The following NRXN1 variants were observed in gnomAD, a reference collection of about 807,000 sequenced individuals.
NRXN1 encodes the protein neurexin-1.
In NRXN1, 39 loss-of-function variants were observed where a neutral mutation model predicts 150.9. The ratio of observed to expected loss-of-function variants is 0.26; its 90% CI spans 0.20 to 0.34. The LOEUF (loss-of-function observed/expected upper bound fraction) is 0.34. NRXN1 is among the 10% of genes least tolerant of loss of function. NRXN1 has a pLI of 1.00. For synonymous variants in NRXN1, 924 were observed against 757.0 expected (o/e 1.22, Z -3.62); for missense variants, 1,815 against 1,949.9 (o/e 0.93, Z 1.30).
At chr2:49,942,433 G>A (rs762297485) in intron 22 of NRXN1, among the ~76,000 whole-genome samples, 6 of 152,040 alleles carry the variant, frequency 3.9e-5, no homozygotes, top group Non-Finnish European at 8.8e-5. Flanking sequence ...GCTCTAAAGA[G>A]CGGATTTACT....
At chr2:50,555,730 T>C (rs1450367694) in intron 8 of NRXN1, among the ~76,000 whole-genome samples, 3 of 152,208 alleles carry the variant, frequency 2.0e-5, no homozygotes, top group Admixed American at 6.5e-5. Flanking sequence ...ATAATTAAAA[T>C]ACAGCAGAAT....
chr2:50,829,423 C>A, intron 5 of NRXN1: 1 of 1,440,184 alleles, frequency 6.9e-7, no homozygotes, highest in East Asian at 2.3e-5. Context: ...CCACTGTGCC[C>A]GGCTAACTCA....
chr2:50,606,544 C>T (rs1036331760), intron 8 of NRXN1, among the ~76,000 whole-genome samples: 3 of 151,056 alleles, frequency 2.0e-5, no homozygotes, highest in South Asian at 2.1e-4. Flanking sequence ...CTCTACATAA[C>T]AATACTATAT....
At chr2:50,743,361 G>A (rs758131875) in intron 5 of NRXN1, among the ~76,000 whole-genome samples, 4 of 152,066 alleles carry the variant, frequency 2.6e-5, no homozygotes, top group East Asian at 3.9e-4. Context: ...GTTAATTGAG[G>A]GTGGCAAACT....
chr2:50,744,546 A>G (rs1174203996), intron 5 of NRXN1, among the ~76,000 whole-genome samples: 1 of 152,148 alleles, frequency 6.6e-6, no homozygotes, highest in Non-Finnish European at 1.5e-5. Flanking sequence ...ATATGCGGGT[A>G]TATGGACCCA....
intron 17 of NRXN1, among the ~76,000 whole-genome samples, chr2:50,428,988 T>C (rs541396821): frequency 1.3e-5 from 2 of 152,278 alleles, no homozygotes; most frequent in South Asian, 4.1e-4. Flanking sequence ...GGGTATTAAA[T>C]AAAACCTAGG....
At position 50,547,528 on chromosome 2, in the gene NRXN1, A is replaced by G. The variant is rs2093522130; in HGVS notation, c.1759+5059T>C. ...GAGAAGAGGCAAAGGGGAAGTCTGG[A>G]AAGAGAGAGACTGGTTTAAAAACAA... On this transcript the variant is annotated intron_variant, in intron 9 of 22. Coordinates refer to ENST00000401669, the MANE Select transcript of NRXN1 (RefSeq NM_001330078.2). 2.0e-5 allele frequency: 3 copies of G among 152,200 alleles called. 1 individual carries two copies. The highest frequency in any genetic ancestry group is 2.0e-4 in the Admixed American group (3 of 15,274). 9.4% of individuals were successfully genotyped at this position (152,200 alleles called of 1,614,324 possible).
intron 21 of NRXN1, among the ~76,000 whole-genome samples, chr2:50,045,686 T>C (rs1477303635): frequency 6.6e-6 from 1 of 152,210 alleles, no homozygotes; most frequent in Non-Finnish European, 1.5e-5. Context: ...AACTAGGTTA[T>C]ATTCTTGCTA....
chr2:50,307,278 G>A (rs986664821), intron 17 of NRXN1, among the ~76,000 whole-genome samples: 23 of 152,008 alleles, frequency 1.5e-4, no homozygotes, highest in Admixed American at 1.3e-3. Context: ...CACTGCACCC[G>A]GCCTCTTCCT....
chr2:50,256,802 G>A (rs1383768524), intron 17 of NRXN1, among the ~76,000 whole-genome samples: 20 of 152,062 alleles, frequency 1.3e-4, no homozygotes, highest in Admixed American at 1.3e-3. Flanking sequence ...TTCAGATCCT[G>A]AAATGTGTCT....
chr2:50,524,317 A>G (rs1389052539), intron 12 of NRXN1, among the ~76,000 whole-genome samples: 3 of 151,944 alleles, frequency 2.0e-5, no homozygotes, highest in South Asian at 2.1e-4. Flanking sequence ...CATCTCTACT[A>G]AAAATACAAA....
intron 8 of NRXN1, among the ~76,000 whole-genome samples, chr2:50,610,275 T>G (rs1320793617): frequency 6.6e-6 from 1 of 152,120 alleles, no homozygotes; most frequent in East Asian, 1.9e-4. Flanking sequence ...TTTCTTTTTC[T>G]TAGCAATGTG....
At chr2:50,529,762 A>G (rs1371089164) in intron 11 of NRXN1, among the ~76,000 whole-genome samples, 6 of 152,142 alleles carry the variant, frequency 3.9e-5, no homozygotes, top group African/African-American at 1.4e-4. Context: ...ACTGCATGCA[A>G]TTAGGCGATT....
chr2:50,283,038 T>A (rs1243573589), intron 17 of NRXN1, among the ~76,000 whole-genome samples: 1 of 152,200 alleles, frequency 6.6e-6, no homozygotes, highest in African/African-American at 2.4e-5. Flanking sequence ...ACCTATCTCC[T>A]TTTATTTTTG....
chr2:50,136,935 C>A (rs1706497683), intron 18 of NRXN1, among the ~76,000 whole-genome samples: 1 of 152,062 alleles, frequency 6.6e-6, no homozygotes, highest in Non-Finnish European at 1.5e-5. Context: ...ATGAATCAGT[C>A]CCTTTAACTT....
At chr2:50,966,855 T>A (rs1033032946) in intron 2 of NRXN1, among the ~76,000 whole-genome samples, 2 of 151,820 alleles carry the variant, frequency 1.3e-5, no homozygotes, top group South Asian at 2.1e-4. Context: ...GTTTAAAAAG[T>A]GAACAACAAG....
chr2:50,092,819 T>C (rs1232128604), intron 18 of NRXN1, among the ~76,000 whole-genome samples: 1 of 152,168 alleles, frequency 6.6e-6, no homozygotes, highest in Non-Finnish European at 1.5e-5. Context: ...TGGGTTCTTA[T>C]TGTACATAAA....
At chr2:50,491,917 T>C (rs1210227112) in intron 15 of NRXN1, among the ~76,000 whole-genome samples, 2 of 152,146 alleles carry the variant, frequency 1.3e-5, no homozygotes, top group African/African-American at 2.4e-5. Context: ...GATTAATAAA[T>C]GAGCAAGACT....
At chr2:50,224,270 G>T (rs1444877523) in intron 18 of NRXN1, among the ~76,000 whole-genome samples, 4 of 151,960 alleles carry the variant, frequency 2.6e-5, no homozygotes, top group African/African-American at 9.7e-5. Context: ...CTGGTTCAAA[G>T]ACAGGCAGTT....
Sources: allele counts gnomAD v4.1 joint callset (sites outside exome capture counted in the v4.1 genomes callset), GRCh38; gene constraint gnomAD v4.1.1; transcripts MANE v1.5; gene names NCBI Gene and HGNC (gene_info 2026-07-23, HGNC 2026-07-21).